UNC45B: variants seen among roughly 807,000 people sequenced by gnomAD.
UNC45B encodes the protein unc-45 myosin chaperone B, also known as protein unc-45 homolog B.
Under a neutral mutation model 98.7 loss-of-function variants are expected in UNC45B, and 78 were observed. That is an observed-to-expected ratio of 0.79 (90% CI 0.66 to 0.95). The LOEUF is 0.95. Ranked by LOEUF, UNC45B falls within the 40% of genes least tolerant of loss-of-function variation. The pLI is 0.00. For synonymous variants in UNC45B, 462 were observed against 480.4 expected (o/e 0.96, Z 0.50); for missense variants, 1,225 against 1,184.9 (o/e 1.03, Z -0.50).
chr17:35,183,407 C>T lies in UNC45B; in HGVS notation c.2374-20C>T. 2.0e-6 allele frequency: 3 copies of T among 1,522,352 alleles called. No homozygotes were observed. The highest frequency in any genetic ancestry group is 2.6e-6 in the Non-Finnish European group (3 of 1,133,036). 94.3% of individuals were successfully genotyped at this position (1,522,352 alleles called of 1,614,324 possible). On this transcript the variant is annotated intron_variant, in intron 18 of 19. Transcript: ENST00000394570. ...AGATTGGGGACAGTTTTCTCTGAGC[C>T]ATGTTCCTGCCTCCCACAGGTACAG... is the stretch of plus-strand genomic sequence containing the variant.
At position 35,152,904 on chromosome 17, in the gene UNC45B, G is replaced by C. The variant is rs535242800; in HGVS notation, c.393G>C (p.Gln131His). ...TCCTCTCTCCTCAGCTCCGAGTGCA[G>C]TTCTCCACAGACTCGAGGGTACAGA... Reference protein sequence around the residue: ...NTSIQEKLRVQFSTDSRVQKM... With the variant: ...NTSIQEKLRVHFSTDSRVQKM... Residue 131 changes from glutamine to histidine, a missense_variant, in exon 5 of 20, where the codon CAG becomes CAC. Coordinates refer to ENST00000394570, the MANE Select transcript of UNC45B (RefSeq NM_001267052.2). The C allele has an allele frequency of 1.1e-4, 179 of 1,614,098 alleles. 2 individuals carry two copies. In the East Asian group the frequency reaches 1.8e-3, roughly 16 times the overall value.
chr17:35,169,966 C>G, intron 11 of UNC45B, 35 bp downstream of exon 11: 1 of 1,613,362 alleles, frequency 6.2e-7, no homozygotes, highest in Non-Finnish European at 8.5e-7. Flanking sequence ...CCTCCATCTC[C>G]TCATGCGCCT....
chr17:35,168,291 A>T lies in UNC45B; in HGVS notation c.1382A>T (p.Asn461Ile). The T allele has an allele frequency of 6.7e-7, 1 of 1,498,442 alleles. No individual in the cohort carries two copies. The highest frequency in any genetic ancestry group is 8.9e-7 in the Non-Finnish European group (1 of 1,119,294). 92.8% of individuals were successfully genotyped at this position (1,498,442 alleles called of 1,614,324 possible). A position where few individuals can be genotyped will look rare whatever the true frequency, so the allele number is the denominator to read the frequency against. ...KLSRATFIIT[N>I]GVSLLKQIYK... The stretch of plus-strand genomic sequence containing the variant: ...AGCCGCGCCACCTTCATCATCACCA[A>T]TGGAGTGTCACTGCTCAAACAGATC... Residue 461 changes from asparagine (N) to isoleucine (I), a missense_variant, in exon 10 of 20, where the codon AAT becomes ATT. Coordinates refer to ENST00000394570, the MANE Select transcript of UNC45B (RefSeq NM_001267052.2).
Position 35,174,479 on chromosome 17 carries a change from A to G in UNC45B, c.1958+110A>G. The G allele has an allele frequency of 2.1e-6, 3 of 1,456,958 alleles. No individual in the cohort carries two copies. In the South Asian group the frequency reaches 3.7e-5, roughly 18 times the overall value. The allele number at this position is 1,456,958 out of a possible 1,614,324, so 90.3% of individuals were successfully genotyped here. On this transcript the variant is annotated intron_variant, in intron 14 of 19. Transcript: ENST00000394570. ...ATGGTGGGGGCCTAAATGAGGAGAT[A>G]AACTATTGGGAAAGCCTGGAGAAAG... is the stretch of plus-strand genomic sequence containing the variant.
At position 35,148,302 on chromosome 17, in the gene UNC45B, A is replaced by C; in HGVS notation, c.39A>C (p.Gly13=). ...EVEAVQLKEE[G]NRHFQLQDYK... is the part of the protein sequence containing the mutation. ...AAGCGGTACAGCTGAAGGAGGAAGG[A>C]AACCGGCATTTCCAGCTCCAGGACT... is the stretch of plus-strand genomic sequence containing the variant. The change falls in exon 2 of 20, where the codon GGA becomes GGC. Residue 13 remains glycine, a synonymous_variant. Coordinates refer to ENST00000394570, the MANE Select transcript of UNC45B (RefSeq NM_001267052.2). The C allele has an allele frequency of 1.9e-6, 3 of 1,614,184 alleles. No homozygotes were observed. The highest frequency in any genetic ancestry group is 2.5e-6 in the Non-Finnish European group (3 of 1,180,024).
chr17:35,169,773 G>T lies in UNC45B; in HGVS notation c.1453-64G>T. 8 of 1,458,332 alleles carry T rather than the reference G, an allele frequency of 5.5e-6. No homozygotes were observed. In the South Asian group the frequency reaches 5.7e-5, roughly 10 times the overall value. The allele number at this position is 1,458,332 out of a possible 1,614,324, so 90.3% of individuals were successfully genotyped here. A position where few individuals can be genotyped will look rare whatever the true frequency, so the allele number is the denominator to read the frequency against. On this transcript the variant is annotated intron_variant, in intron 10 of 19. Transcript: ENST00000394570. ...GGCCATAGAAACCTGTTTGAGCAAGGCTTCATCCCCAAGCCTTGGTGTCTC... is the reference window on the plus strand; with the variant it reads ...GGCCATAGAAACCTGTTTGAGCAAGTCTTCATCCCCAAGCCTTGGTGTCTC...
At chr17:35,179,433 T>G (rs961389114) in intron 17 of UNC45B, among the ~76,000 whole-genome samples, 1 of 152,232 alleles carries the variant, frequency 6.6e-6, no homozygotes, top group African/African-American at 2.4e-5. Flanking sequence ...ATCATGCTAC[T>G]ATAAAGACAC....
rs756137293 is a variant in UNC45B at position 35,154,626 on chromosome 17, T to C, written c.524T>C (p.Ile175Thr). The change falls in exon 6 of 20, where the codon ATC becomes ACC. Residue 175 changes from isoleucine (I) to threonine (T), a missense_variant. Physicochemically the swap from Ile to Thr is moderately conservative, Grantham distance 89 (BLOSUM62 -1). Transcript: ENST00000394570. ...CGTGAGGAAGCAGGGGCTGAGAAGA[T>C]CTTCCAGAACAATGGAGTAGCCTTG... is the stretch of plus-strand genomic sequence containing the variant. ...LGREEAGAEK[I>T]FQNNGVALLL... 6.2e-7 allele frequency: 1 copy of C among 1,613,488 alleles called. No individual in the cohort carries two copies. The highest frequency in any genetic ancestry group is 1.1e-5 in the South Asian group (1 of 90,962).
At chr17:35,152,774 TGAACGTATGTGCGG>T (rs1287416727) in intron 4 of UNC45B, 105 bp from the exon 5 acceptor site, 37 of 776,116 alleles carry the variant, frequency 4.8e-5, no homozygotes, top group African/African-American at 4.2e-4. Flanking sequence ...AATACATGAA[TGAACGTATGTGCGG>T]GAGCCCAGAG....
intron 9 of UNC45B, among the ~76,000 whole-genome samples, chr17:35,165,657 G>A (rs1258373754): frequency 1.3e-5 from 2 of 152,120 alleles, no homozygotes; most frequent in Non-Finnish European, 2.9e-5. Flanking sequence ...CAAAAAGCTG[G>A]CTGGGCACAG....
intron 7 of UNC45B, among the ~76,000 whole-genome samples, chr17:35,158,934 G>A (rs780762125): frequency 3.3e-5 from 5 of 152,150 alleles, no homozygotes; most frequent in Admixed American, 6.5e-5. Flanking sequence ...AAGTCCCGGC[G>A]TCACAGGCAA....
At chr17:35,180,312 G>A (rs1000203095) in intron 17 of UNC45B, among the ~76,000 whole-genome samples, 24 of 149,956 alleles carry the variant, frequency 1.6e-4, no homozygotes, top group Non-Finnish European at 2.4e-4. Flanking sequence ...CAATAATACA[G>A]AGGCTCTCCA....
chr17:35,153,921 T>G (rs1163678447), intron 5 of UNC45B, among the ~76,000 whole-genome samples: 1 of 152,128 alleles, frequency 6.6e-6, no homozygotes, highest in Non-Finnish European at 1.5e-5. Context: ...TATTTTAAGG[T>G]TCATGCATCC....
chr17:35,183,391 A>G (rs773072260), intron 18 of UNC45B, 36 bp from the exon 19 acceptor site: 19 of 1,488,348 alleles, frequency 1.3e-5, no homozygotes, highest in Non-Finnish European at 1.7e-5. Context: ...CAGATTGGGG[A>G]CAGTTTTCTC....
At chr17:35,171,519 A>G (rs2092186879) in intron 13 of UNC45B, 57 bp downstream of exon 13, 1 of 1,581,600 alleles carries the variant, frequency 6.3e-7, no homozygotes, top group African/African-American at 1.3e-5. Flanking sequence ...CCTCCAAAGG[A>G]GGCGGAACGG....
intron 9 of UNC45B, chr17:35,167,083 G>A (rs1272624763): frequency 6.6e-6 from 1 of 152,378 alleles, no homozygotes; most frequent in Non-Finnish European, 1.5e-5. Context: ...CTCACCAACA[G>A]GGGAAGGGAC....
Position 35,171,258 on chromosome 17 carries a change from G to A in UNC45B, c.1690-64G>A. 22 of 1,581,956 alleles carry A rather than the reference G, an allele frequency of 1.4e-5. No individual in the cohort carries two copies. In the South Asian group the frequency reaches 2.5e-4, roughly 18 times the overall value. ...GCCGGCCACGTGAGGGAGCATCCTG[G>A]AAGCAGAGGTTTGTCCTAAAGTTTC... On this transcript the variant is annotated intron_variant, in intron 12 of 19. Coordinates refer to ENST00000394570, the MANE Select transcript of UNC45B (RefSeq NM_001267052.2).
chr17:35,162,294 G>A (rs1346854361), intron 8 of UNC45B, among the ~76,000 whole-genome samples: 2 of 152,174 alleles, frequency 1.3e-5, no homozygotes, highest in South Asian at 2.1e-4. Context: ...AACCTGTGGA[G>A]TCTGTGCTAA....
At chr17:35,163,853 A>T in intron 8 of UNC45B, 142 bp from the exon 9 acceptor site, 3 of 972,712 alleles carry the variant, frequency 3.1e-6, no homozygotes, top group South Asian at 1.9e-5. Flanking sequence ...ACCCCATTCT[A>T]GGCCCTTTCA....
Sources: allele counts gnomAD v4.1 joint callset (sites outside exome capture counted in the v4.1 genomes callset), GRCh38; gene constraint gnomAD v4.1.1; transcripts MANE v1.5; gene names NCBI Gene and HGNC (gene_info 2026-07-23, HGNC 2026-07-21).